RBKS: variants seen among roughly 807,000 people sequenced by gnomAD.
RBKS encodes the protein ribokinase.
RBKS carries 33 observed loss-of-function variants against 33.9 expected under a neutral mutation model. The ratio of observed to expected loss-of-function variants is 0.97; its 90% confidence interval spans 0.74 to 1.30. The LOEUF (loss-of-function observed/expected upper bound fraction) is 1.30, where lower values mean the gene tolerates loss of function less well. Ranked by LOEUF, RBKS falls within the 50% of genes most tolerant of loss-of-function variation. The probability of loss-of-function intolerance (pLI) is 0.00; values close to 1 mark genes in which losing one functional copy is unlikely to be tolerated. For missense variants in RBKS, 361 were observed against 392.6 expected (o/e 0.92, Z 0.68); for synonymous variants, 125 against 143.0 (o/e 0.87, Z 0.90).
At position 27,827,621 on chromosome 2, in the gene RBKS, T is replaced by C. The variant is rs746462816; in HGVS notation, c.741A>G (p.Thr247=). ...TGGGAATGTGCTTTGGCTCAGGTTCTGTCTGTGACAGCACCACACATCCTT... is the reference window on the plus strand; with the variant it reads ...TGGGAATGTGCTTTGGCTCAGGTTCCGTCTGTGACAGCACCACACATCCTT... ...GAEGCVVLSQ[T]EPEPKHIPTE... Residue 247 remains threonine (T), a synonymous_variant, in exon 7 of 8, where the codon ACA becomes ACG. Coordinates refer to ENST00000302188, the MANE Select transcript of RBKS (RefSeq NM_022128.3). The C allele has an allele frequency of 1.9e-6, 3 of 1,611,634 alleles. No homozygotes were observed. Among genetic ancestry groups the C allele is most frequent in the African/African-American group, 1.3e-5 (1 of 74,720 alleles).
chr2:27,810,907 T>A lies in RBKS; in HGVS notation c.795+16660A>T, dbSNP rs915890315. Among the ~76,000 whole-genome samples, 1 of 152,174 alleles carries A rather than the reference T, an allele frequency of 6.6e-6. No individual in the cohort carries two copies. The stretch of plus-strand genomic sequence containing the variant: ...ATCTTTTTATAAAGTATAAATCTGA[T>A]CAAATGTATCCCTTGCTTAAATGGC... On this transcript the variant is annotated intron_variant, in intron 7 of 7. Transcript: ENST00000302188. This position sits in a 1 kb window ranked among gnomAD's most constrained non-coding sequence, Gnocchi z 4.4.
chr2:27,801,960 AAAAAT>A (rs1257224928), intron 7 of RBKS, among the ~76,000 whole-genome samples: 6 of 68,854 alleles, frequency 8.7e-5, no homozygotes, highest in African/African-American at 3.5e-4. Flanking sequence ...GAAAAAAAAA[AAAAAT>A]ATATATATAT....
In RBKS at chr2:27,890,268, G is replaced by C. The variant is rs567504415; in HGVS notation, c.78C>G (p.Thr26=). ...AAVVVVGSCM[T]DLVSLTSRLP... is the part of the protein sequence containing the mutation. Reference sequence around the variant, plus strand: ...GGCCCCGGACTAACCTGACCAGGTCGGTCATGCAGGAGCCCACCACTACCA... The same window carrying C: ...GGCCCCGGACTAACCTGACCAGGTCCGTCATGCAGGAGCCCACCACTACCA... Residue 26 remains threonine, a synonymous_variant, in exon 1 of 8, where the codon ACC becomes ACG. Transcript: ENST00000302188. This position sits in a 1 kb window ranked among gnomAD's most constrained non-coding sequence, Gnocchi z 4.8. 2 of 1,613,712 alleles carry C rather than the reference G, an allele frequency of 1.2e-6. No homozygotes were observed. The highest frequency in any genetic ancestry group is 2.2e-5 in the South Asian group (2 of 91,078).
chr2:27,835,199 C>T (rs1313149502), intron 5 of RBKS, among the ~76,000 whole-genome samples: 1 of 151,458 alleles, frequency 6.6e-6, no homozygotes, highest in Non-Finnish European at 1.5e-5. Flanking sequence ...TCGCTTGAAC[C>T]CGGGAGGTGG....
At chr2:27,850,644 G>A (rs1350445470) in intron 2 of RBKS, among the ~76,000 whole-genome samples, 1 of 151,990 alleles carries the variant, frequency 6.6e-6, no homozygotes, top group Non-Finnish European at 1.5e-5. Context: ...GTCTTTTTAT[G>A]CCTTGATAGC....
intron 7 of RBKS, among the ~76,000 whole-genome samples, chr2:27,821,293 G>A (rs973900919): frequency 6.6e-5 from 10 of 151,334 alleles, no homozygotes; most frequent in South Asian, 2.1e-4. Flanking sequence ...TATTTTTTTC[G>A]TATTTCTTAT....
At chr2:27,808,291 G>C (rs138074066) in intron 7 of RBKS, among the ~76,000 whole-genome samples, 1 of 152,298 alleles carries the variant, frequency 6.6e-6, no homozygotes, top group East Asian at 1.9e-4. Flanking sequence ...TATAAAACAA[G>C]AAAAACTCTA....
chr2:27,812,625 C>T (rs1336936993), intron 7 of RBKS, among the ~76,000 whole-genome samples: 1 of 152,128 alleles, frequency 6.6e-6, no homozygotes, highest in Non-Finnish European at 1.5e-5. Context: ...CCAAACACCG[C>T]ATGTTCTCAT....
At chr2:27,873,046 A>G (rs1664245538) in intron 1 of RBKS, among the ~76,000 whole-genome samples, 1 of 152,126 alleles carries the variant, frequency 6.6e-6, no homozygotes, top group South Asian at 2.1e-4. Context: ...CAGGGTAATG[A>G]TGGAGCACTG....
chr2:27,865,571 CTTTTTTTTTT>C (rs5830052), intron 1 of RBKS, among the ~76,000 whole-genome samples: 1 of 63,944 alleles, frequency 1.6e-5, no homozygotes, highest in African/African-American at 5.0e-5. Flanking sequence ...TCTCCTCCTC[CTTTTTTTTTT>C]TTTTTTTTTT....
intron 1 of RBKS, among the ~76,000 whole-genome samples, chr2:27,882,275 T>C (rs1178255228): frequency 2.6e-5 from 4 of 152,172 alleles, no homozygotes; most frequent in Non-Finnish European, 5.9e-5. Context: ...AACAAACACT[T>C]TTCTAAAGAA....
At chr2:27,819,623 A>G (rs1678160021) in intron 7 of RBKS, among the ~76,000 whole-genome samples, 1 of 152,226 alleles carries the variant, frequency 6.6e-6, no homozygotes, top group African/African-American at 2.4e-5. Flanking sequence ...AGACCAAGCA[A>G]TGTGGCAAAA....
chr2:27,828,873 T>C (rs1678368359), intron 6 of RBKS, among the ~76,000 whole-genome samples: 1 of 152,234 alleles, frequency 6.6e-6, no homozygotes. Flanking sequence ...ATCTTAATTA[T>C]ACTATTTAAA....
intron 7 of RBKS, chr2:27,809,975 C>T (rs1460579131): frequency 3.1e-6 from 4 of 1,304,256 alleles, no homozygotes; most frequent in Admixed American, 2.3e-5. Context: ...AAAGGATTCT[C>T]TGGGTTATTT....
At chr2:27,885,698 T>G (rs1664513055) in intron 1 of RBKS, among the ~76,000 whole-genome samples, 1 of 152,232 alleles carries the variant, frequency 6.6e-6, no homozygotes, top group South Asian at 2.1e-4. Context: ...ATTTTTCTCC[T>G]TAGCTTTTAC....
At chr2:27,814,499 C>T (rs1052561311) in intron 7 of RBKS, among the ~76,000 whole-genome samples, 4 of 151,520 alleles carry the variant, frequency 2.6e-5, no homozygotes, top group Non-Finnish European at 5.9e-5. Context: ...TAGTGAGGGG[C>T]GAAATAAATG....
At chr2:27,881,222 T>C (rs1664410869) in intron 1 of RBKS, among the ~76,000 whole-genome samples, 1 of 151,340 alleles carries the variant, frequency 6.6e-6, no homozygotes, top group Non-Finnish European at 1.5e-5. Flanking sequence ...CACTCCAGCC[T>C]GGGGGAAAGA....
chr2:27,831,985 G>A lies in RBKS; in HGVS notation c.606+701C>T, dbSNP rs975599648. 5.9e-5 allele frequency among the ~76,000 whole-genome samples: 9 copies of A among 152,156 alleles called. No homozygotes were observed. The South Asian group carries it at 6.2e-4, about 11-fold the overall frequency. On this transcript the variant is annotated intron_variant, in intron 6 of 7. Transcript: ENST00000302188. ...TTCTCTCCATGTTGCCTTTACTAAC[G>A]TGTATACCTGCATCCCATTGATGGG...
intron 1 of RBKS, among the ~76,000 whole-genome samples, chr2:27,883,643 C>G (rs1040389983): frequency 3.3e-5 from 5 of 152,170 alleles, no homozygotes; most frequent in African/African-American, 1.2e-4. Flanking sequence ...GCCTAAGGCA[C>G]AGAGAGCTGG....
Sources: gnomAD v4.1 joint callset for allele counts (sites outside exome capture counted in the v4.1 genomes callset) on GRCh38, gnomAD v4.1.1 for gene constraint, Gnocchi (gnomAD v3.1) non-coding constraint, MANE v1.5 for transcripts, NCBI Gene and HGNC (gene_info 2026-07-23, HGNC 2026-07-21) for gene names.